Variants in RTN2 observed in about 807,000 individuals in gnomAD.
The protein encoded by RTN2 is reticulon-2.
A neutral mutation model predicts 63.7 loss-of-function variants in RTN2; 36 were observed. That is an observed-to-expected ratio of 0.56 (90% confidence interval 0.43 to 0.75). The LOEUF (loss-of-function observed/expected upper bound fraction) is 0.75, where lower values mean the gene tolerates loss of function less well. Ranked by LOEUF, RTN2 falls within the 30% of genes least tolerant of loss-of-function variation. RTN2 has a pLI of 0.00. For missense variants in RTN2, 673 were observed against 705.1 expected (o/e 0.95, Z 0.52); for synonymous variants, 312 against 313.0 (o/e 1.00, Z 0.03).
At chr19:45,496,462 C>G in intron 1 of RTN2, 1 of 268,984 alleles carries the variant, frequency 3.7e-6, no homozygotes, top group Non-Finnish European at 7.0e-6. Context: ...CAACCCCCTC[C>G]CCGCCAGCTG....
At chr19:45,489,648 C>T in intron 5 of RTN2, 95 bp from the exon 6 acceptor site, 2 of 787,200 alleles carry the variant, frequency 2.5e-6, no homozygotes, top group Non-Finnish European at 4.1e-6. Context: ...GACTTCTCGA[C>T]ACACCTGTTT....
Position 45,493,344 on chromosome 19 carries a change from A to C in RTN2, c.849T>G (p.Leu283=). 6.2e-7 allele frequency: 1 copy of C among 1,610,504 alleles called. No individual in the cohort carries two copies. The highest frequency in any genetic ancestry group is 1.1e-5 in the South Asian group (1 of 90,790). ...TTGGAACCGTCTTGTAAACAGCCAA[A>C]AGCAATGATGTCTTTAACCATTCCA... ...TAMEWLKTSL[L]LAVYKTVPIL... Residue 283 remains leucine, a synonymous_variant, in exon 5 of 11, where the codon CTT becomes CTG. Transcript: ENST00000245923.
intron 5 of RTN2, among the ~76,000 whole-genome samples, chr19:45,491,583 G>C (rs1427873474): frequency 6.7e-6 from 1 of 148,980 alleles, no homozygotes; most frequent in Non-Finnish European, 1.5e-5. Context: ...CCAAGCTGGA[G>C]TGCAGTGGCG....
At position 45,493,888 on chromosome 19, in the gene RTN2, C is replaced by A. The variant is rs565670922; in HGVS notation, c.814+278G>T. 5.2e-4 allele frequency: 217 copies of A among 419,776 alleles called. 4 individuals carry two copies. The highest frequency in any genetic ancestry group is 4.2e-3 in the African/African-American group (204 of 48,754). 26.0% of individuals were successfully genotyped at this position (419,776 alleles called of 1,614,324 possible). ...CCTCCCGAGTACAGACGGGGTTTCA[C>A]CATGTTGGCCAGGCTGATCTCGAAC... On this transcript the variant is annotated intron_variant, in intron 4 of 10. Transcript: ENST00000245923.
chr19:45,491,800 A>G (rs1236542709), intron 5 of RTN2, among the ~76,000 whole-genome samples: 1 of 151,782 alleles, frequency 6.6e-6, no homozygotes, highest in African/African-American at 2.4e-5. Flanking sequence ...AAACCTGGCT[A>G]ATTTTTAAAT....
intron 5 of RTN2, among the ~76,000 whole-genome samples, chr19:45,490,244 C>A (rs2122214916): frequency 6.6e-6 from 1 of 152,234 alleles, no homozygotes; most frequent in East Asian, 1.9e-4. Context: ...TCGTGGTCCA[C>A]CCGCCTTGGC....
Position 45,494,208 on chromosome 19 carries a change from T to A in RTN2, c.772A>T (p.Ser258Cys). Residue 258 changes from serine to cysteine, a missense_variant, in exon 4 of 11, where the codon AGC (serine) becomes TGC (cysteine). Transcript: ENST00000245923. This position sits in a 1 kb window ranked among gnomAD's most constrained non-coding sequence, Gnocchi z 5.3. Reference protein sequence around the residue: ...REPVRGQCLDSTDQLEFTVEP... With the variant: ...REPVRGQCLDCTDQLEFTVEP... ...ACCGTGAATTCTAATTGGTCCGTGC[T>A]ATCGAGGCACTGTCCCCTTACTGGC... is the stretch of plus-strand genomic sequence containing the variant. The A allele has an allele frequency of 6.2e-7, 1 of 1,608,666 alleles. No individual in the cohort carries two copies. The highest frequency in any genetic ancestry group is 8.5e-7 in the Non-Finnish European group (1 of 1,179,976).
chr19:45,488,627 C>T lies in RTN2; in HGVS notation c.1450+10G>A, dbSNP rs1313351621. Reference sequence around the variant, plus strand: ...GTCCCCATTTGCCCCTTACGGCCTTCCCAGCTCACCCAGAATGAGAAGAGT... The same window carrying T: ...GTCCCCATTTGCCCCTTACGGCCTTTCCAGCTCACCCAGAATGAGAAGAGT... On this transcript the variant is annotated intron_variant, in intron 8 of 10. Transcript: ENST00000245923. 2.6e-5 allele frequency: 42 copies of T among 1,613,876 alleles called. No homozygotes were observed. Among genetic ancestry groups the T allele is most frequent in the Non-Finnish European group, 3.5e-5 (41 of 1,179,874 alleles).
chr19:45,496,207 C>T (rs999853425), intron 1 of RTN2, among the ~76,000 whole-genome samples: 1 of 152,158 alleles, frequency 6.6e-6, no homozygotes, highest in Admixed American at 6.5e-5. Flanking sequence ...CTCGTTTCCT[C>T]AGCTGGGGAA....
rs1968218549 is a variant in RTN2 at position 45,494,091 on chromosome 19, G to A, written c.814+75C>T. ...CTATGTACTGTTCCTTTGCGAGGTT[G>A]GTCCCTTTAATTCAAAATCCTCTCA... On this transcript the variant is annotated intron_variant, in intron 4 of 10. Coordinates refer to ENST00000245923, the MANE Select transcript of RTN2 (RefSeq NM_005619.5). This position sits in a 1 kb window ranked among gnomAD's most constrained non-coding sequence, Gnocchi z 5.3. The A allele has an allele frequency of 6.4e-7, 1 of 1,560,028 alleles. No individual in the cohort carries two copies. Among genetic ancestry groups the A allele is most frequent in the Admixed American group, 1.8e-5 (1 of 56,416 alleles).
At position 45,494,405 on chromosome 19, in the gene RTN2, A is replaced by G. The variant is rs1465355480; in HGVS notation, c.575T>C (p.Leu192Pro). 4 of 1,612,860 alleles carry G rather than the reference A, an allele frequency of 2.5e-6. No individual in the cohort carries two copies. The highest frequency in any genetic ancestry group is 3.4e-6 in the Non-Finnish European group (4 of 1,179,194). Residue 192 changes from leucine to proline, a missense_variant, in exon 4 of 11, where the codon CTC becomes CCC. Transcript: ENST00000245923. This position sits in a 1 kb window ranked among gnomAD's most constrained non-coding sequence, Gnocchi z 5.3. ...GEAGEELDLR[L>P]RLAQPSSPEV... ...GGGCGATGAGGGCTGAGCAAGTCGGAGTCGTAGGTCCAGTTCTGATACGGT... is the reference window on the plus strand; with the variant it reads ...GGGCGATGAGGGCTGAGCAAGTCGGGGTCGTAGGTCCAGTTCTGATACGGT...
chr19:45,493,715 G>A (rs942989239), intron 4 of RTN2, among the ~76,000 whole-genome samples: 3 of 152,204 alleles, frequency 2.0e-5, no homozygotes, highest in Admixed American at 6.5e-5. Context: ...CCACTAGGAG[G>A]AGCACTCCAG....
intron 1 of RTN2, among the ~76,000 whole-genome samples, chr19:45,495,971 AC>A (rs1462497170): frequency 6.6e-6 from 1 of 152,192 alleles, no homozygotes; most frequent in Non-Finnish European, 1.5e-5. Flanking sequence ...GACACGCGAG[AC>A]ATGGAAATGG....
intron 5 of RTN2, among the ~76,000 whole-genome samples, chr19:45,491,665 G>A (rs953377723): frequency 7.2e-5 from 11 of 152,000 alleles, no homozygotes; most frequent in African/African-American, 2.7e-4. Flanking sequence ...CCGAGTAGCT[G>A]GGACTACAGG....
chr19:45,488,973 C>T lies in RTN2; in HGVS notation c.1255G>A (p.Val419Met), dbSNP rs756488785. ...TGCTCCCGAGTCAGGGTGAGGTCCA[C>T]ATCCAGGTAGGCCCTGCGGGGACAA... ...GANPFQAYLD[V>M]DLTLTREQTE... Residue 419 changes from valine (V) to methionine (M), a missense_variant, in exon 7 of 11, where the codon GTG becomes ATG. Coordinates refer to ENST00000245923, the MANE Select transcript of RTN2 (RefSeq NM_005619.5). 2 of 1,611,728 alleles carry T rather than the reference C, an allele frequency of 1.2e-6. No individual in the cohort carries two copies. Among genetic ancestry groups the T allele is most frequent in the Non-Finnish European group, 1.7e-6 (2 of 1,179,098 alleles).
At chr19:45,487,575 A>AT (rs1968051196) in intron 9 of RTN2, among the ~76,000 whole-genome samples, 1 of 91,648 alleles carries the variant, frequency 1.1e-5, no homozygotes, top group African/African-American at 4.2e-5. Context: ...TTTATTTTTT[A>AT]TTTTTTGGTT....
At chr19:45,496,472 G>A in intron 1 of RTN2, 1 of 284,464 alleles carries the variant, frequency 3.5e-6, no homozygotes. Flanking sequence ...CCCGCCAGCT[G>A]CGGCCAGCAC....
intron 5 of RTN2, among the ~76,000 whole-genome samples, chr19:45,490,097 G>A (rs1968121799): frequency 6.6e-6 from 1 of 152,112 alleles, no homozygotes; most frequent in Admixed American, 6.6e-5. Flanking sequence ...CGCCTCCCTG[G>A]TTCAAGCGAT....
chr19:45,496,546 C>G, intron 1 of RTN2: 1 of 364,294 alleles, frequency 2.7e-6, no homozygotes, highest in Non-Finnish European at 4.9e-6. Flanking sequence ...CGGTACGTCC[C>G]AGAGCGCAGC....
Sources: gnomAD v4.1 joint callset for allele counts (sites outside exome capture counted in the v4.1 genomes callset) on GRCh38, gnomAD v4.1.1 for gene constraint, Gnocchi (gnomAD v3.1) non-coding constraint, MANE v1.5 for transcripts, NCBI Gene and HGNC (gene_info 2026-07-23, HGNC 2026-07-21) for gene names.